Variants in ACSS2 observed in about 807,000 individuals in gnomAD.
ACSS2 encodes acyl-CoA synthetase short chain family member 2.
Under a neutral mutation model 90.6 loss-of-function variants are expected in ACSS2, and 58 were observed. That is an observed-to-expected ratio of 0.64 (90% CI 0.52 to 0.80). The LOEUF is 0.80. Among genes scored for constraint, ACSS2 ranks in the 30% least tolerant of loss-of-function variants. ACSS2 has a pLI of 0.00. For missense variants in ACSS2, 759 were observed against 912.0 expected (o/e 0.83, Z 2.16); for synonymous variants, 300 against 330.9 (o/e 0.91, Z 1.01).
intron 2 of ACSS2, among the ~76,000 whole-genome samples, chr20:34,904,179 A>G (rs1177109308): frequency 2.0e-5 from 3 of 151,984 alleles, no homozygotes; most frequent in African/African-American, 7.2e-5. Context: ...ACTAACAAAA[A>G]TTTCATGGAA....
At chr20:34,897,645 A>G (rs1443765692) in intron 2 of ACSS2, among the ~76,000 whole-genome samples, 1 of 152,160 alleles carries the variant, frequency 6.6e-6, no homozygotes, top group Non-Finnish European at 1.5e-5. Flanking sequence ...CCTGGCCAAC[A>G]TGGTGAAACC....
chr20:34,876,763 C>T lies in ACSS2; in HGVS notation c.118C>T (p.His40Tyr). The T allele has an allele frequency of 1.4e-6, 2 of 1,423,440 alleles. No homozygotes were observed. The highest frequency in any genetic ancestry group is 1.9e-6 in the Non-Finnish European group (2 of 1,079,410). 88.2% of individuals were successfully genotyped at this position (1,423,440 alleles called of 1,614,324 possible). The change falls in exon 1 of 18, where the codon CAC becomes TAC. Residue 40 changes from histidine to tyrosine, a missense_variant. His to Tyr is a moderately conservative substitution (Grantham distance 83). Transcript: ENST00000360596. ...GCCGCCCGAGGTCAGCCGCTCCGCG[C>T]ACGTCCCCTCGCTGCAGCGCTACCG... Reference protein sequence around the residue: ...SPPPEVSRSAHVPSLQRYREL... With the variant: ...SPPPEVSRSAYVPSLQRYREL...
intron 1 of ACSS2, 99 bp from the exon 2 acceptor site, chr20:34,882,695 G>T: frequency 8.9e-7 from 1 of 1,128,482 alleles, no homozygotes; most frequent in Non-Finnish European, 1.3e-6. Context: ...CCTAGGGCAA[G>T]GAAGTTATAA....
At chr20:34,879,778 G>C (rs147123731) in intron 1 of ACSS2, among the ~76,000 whole-genome samples, 290 of 152,218 alleles carry the variant, frequency 1.9e-3, no homozygotes, top group Admixed American at 5.0e-3. Flanking sequence ...TTTGTTGATG[G>C]ACATAAATGT....
At chr20:34,887,863 G>T (rs1294720201) in intron 2 of ACSS2, among the ~76,000 whole-genome samples, 2 of 152,024 alleles carry the variant, frequency 1.3e-5, no homozygotes, top group South Asian at 4.1e-4. Flanking sequence ...CTTAGGTCAG[G>T]AGTTCAAGAT....
chr20:34,903,562 C>T (rs1167260439), intron 2 of ACSS2, among the ~76,000 whole-genome samples: 1 of 152,036 alleles, frequency 6.6e-6, no homozygotes, highest in African/African-American at 2.4e-5. Context: ...CAGTGTTCCT[C>T]TCATCTCCTC....
intron 1 of ACSS2, among the ~76,000 whole-genome samples, chr20:34,880,695 C>T (rs1207604137): frequency 6.6e-6 from 1 of 151,918 alleles, no homozygotes; most frequent in Non-Finnish European, 1.5e-5. Flanking sequence ...AGACATTGGG[C>T]TTAATAATTT....
intron 2 of ACSS2, among the ~76,000 whole-genome samples, chr20:34,906,260 A>G (rs2147051584): frequency 6.6e-6 from 1 of 151,036 alleles, no homozygotes; most frequent in East Asian, 2.0e-4. Context: ...GCGTGAACCT[A>G]GGAAGCACAG....
At chr20:34,899,065 C>CCGGGGCCGG (rs2080553876) in intron 2 of ACSS2, among the ~76,000 whole-genome samples, 2 of 152,226 alleles carry the variant, frequency 1.3e-5, no homozygotes, top group African/African-American at 2.4e-5. Flanking sequence ...CCCTCATTGC[C>CCGGGGCCGG]TGGGGCCGGC....
rs776975306 is a variant in ACSS2, at chr20:34,921,848, T to A, written c.1530T>A (p.Gly510=). Residue 510 remains glycine (G), a synonymous_variant, in exon 13 of 18, where the codon GGT becomes GGA. Coordinates refer to ENST00000360596, the MANE Select transcript of ACSS2 (RefSeq NM_018677.4). ...ATGAGTCCGGGGAAGAGTTGGAAGG[T>A]GAAGCTGAAGGTTATCTGGTGAGGC... ...ILNESGEELE[G]EAEGYLVFKQ... is the part of the protein sequence containing the mutation. The A allele has an allele frequency of 1.4e-5, 23 of 1,613,908 alleles. No individual in the cohort carries two copies. Among genetic ancestry groups the A allele is most frequent in the Non-Finnish European group, 1.8e-5 (21 of 1,179,942 alleles).
chr20:34,924,029 G>A (rs1423983792), intron 14 of ACSS2, among the ~76,000 whole-genome samples: 1 of 152,198 alleles, frequency 6.6e-6, no homozygotes, highest in Non-Finnish European at 1.5e-5. Context: ...AGTATAGCAG[G>A]AGGGGTCTCA....
At chr20:34,905,582 T>C (rs2080779579) in intron 2 of ACSS2, among the ~76,000 whole-genome samples, 1 of 152,132 alleles carries the variant, frequency 6.6e-6, no homozygotes, top group South Asian at 2.1e-4. Flanking sequence ...TTGACAAAAA[T>C]AGATTCCAGG....
At chr20:34,890,695 G>A (rs1391333267) in intron 2 of ACSS2, among the ~76,000 whole-genome samples, 1 of 152,084 alleles carries the variant, frequency 6.6e-6, no homozygotes, top group Admixed American at 6.6e-5. Context: ...GTTGCCTAAG[G>A]CTGTGGTTAT....
chr20:34,923,495 C>A, intron 14 of ACSS2, 64 bp downstream of exon 14: 1 of 1,184,094 alleles, frequency 8.4e-7, no homozygotes, highest in Non-Finnish European at 1.3e-6. Context: ...CTTCCATTTT[C>A]AGGAAGAGTT....
chr20:34,914,106 CA>C lies in ACSS2; in HGVS notation c.655del (p.Arg219GlyfsTer6). 1 of 1,614,146 alleles carries C rather than the reference CA, an allele frequency of 6.2e-7. No homozygotes were observed. The highest frequency in any genetic ancestry group is 8.5e-7 in the Non-Finnish European group (1 of 1,180,002). ...TGTTGCTCCCCAAAGATGCCTTCTA[CA>C]GGGGGGAAAAGCTTGTGAACCTGAA... ...SLLITTDAFY[R>X]GEKLVNLKEL... On this transcript the variant is annotated frameshift_variant, in exon 6 of 18. Transcript: ENST00000360596. LOFTEE classifies it high-confidence loss of function.
intron 2 of ACSS2, among the ~76,000 whole-genome samples, chr20:34,897,414 CT>C (rs2080491245): frequency 6.6e-6 from 1 of 152,218 alleles, no homozygotes. Flanking sequence ...CTTTCTGTCT[CT>C]AAGGCTCTGC....
In ACSS2 at chr20:34,916,826, A is replaced by G. The variant is rs552272493; in HGVS notation, c.834+2389A>G. Among the ~76,000 whole-genome samples, 7 of 152,292 alleles carry G rather than the reference A, an allele frequency of 4.6e-5. No homozygotes were observed. The South Asian group carries it at 1.0e-3, about 23-fold the overall frequency. On this transcript the variant is annotated intron_variant, in intron 7 of 17. Transcript: ENST00000360596. ...GGGACCCTCCTCAACCATATCGTCTATGAGCTCCCTCATATTCCTCTCCCG... is the reference window on the plus strand; with the variant it reads ...GGGACCCTCCTCAACCATATCGTCTGTGAGCTCCCTCATATTCCTCTCCCG...
intron 7 of ACSS2, chr20:34,915,217 G>T: frequency 6.2e-7 from 1 of 1,613,912 alleles, no homozygotes; most frequent in South Asian, 1.1e-5. Flanking sequence ...GCTCTTAACA[G>T]GGTAAACTGA....
At chr20:34,896,373 C>T (rs1453198311) in intron 2 of ACSS2, among the ~76,000 whole-genome samples, 1 of 152,194 alleles carries the variant, frequency 6.6e-6, no homozygotes, top group African/African-American at 2.4e-5. Context: ...TCAAGAAACA[C>T]TTCTTGACAT....
Sources: allele counts gnomAD v4.1 joint callset (sites outside exome capture counted in the v4.1 genomes callset), GRCh38; gene constraint gnomAD v4.1.1; transcripts MANE v1.5; gene names NCBI Gene and HGNC (gene_info 2026-07-23, HGNC 2026-07-21).